COBLL1: variants seen among roughly 807,000 people sequenced by gnomAD.
COBLL1 encodes the protein cordon-bleu WH2 repeat protein like 1.
Under a neutral mutation model 94.8 loss-of-function variants are expected in COBLL1, and 50 were observed. The observed-to-expected ratio is 0.53, with a 90% CI of 0.42 to 0.67. COBLL1 has a LOEUF of 0.67. COBLL1 is among the 30% of genes least tolerant of loss of function. The pLI is 0.00. For synonymous variants in COBLL1, 448 were observed against 473.8 expected (o/e 0.95, Z 0.71); for missense variants, 1,362 against 1,348.7 (o/e 1.01, Z -0.15).
chr2:164,832,690 C>T (rs1683130615), intron 2 of COBLL1, among the ~76,000 whole-genome samples: 1 of 152,176 alleles, frequency 6.6e-6, no homozygotes, highest in Non-Finnish European at 1.5e-5. Flanking sequence ...TTAAACCATA[C>T]TTTTAAAAAA....
In COBLL1 at chr2:164,665,576, A is replaced by G. The variant is rs145553629; in HGVS notation, n.181+271T>C. ...ATCTTTTCTAAAATGGCTAATTTGG[A>G]AAGAAAAAAGTTACATAGTTGATAT... On this transcript the variant is annotated intron_variant and non_coding_transcript_variant, in intron 2 of 2. Coordinates refer to the COBLL1 transcript ENST00000495084. 2.5e-3 allele frequency among the ~76,000 whole-genome samples: 374 copies of G among 152,220 alleles called. 3 individuals are homozygous for G. The highest frequency in any genetic ancestry group is 8.6e-3 in the African/African-American group (359 of 41,542).
chr2:164,668,710 T>C (rs1329679313), intron 1 of COBLL1, among the ~76,000 whole-genome samples: 2 of 152,228 alleles, frequency 1.3e-5, no homozygotes, highest in East Asian at 1.9e-4. Flanking sequence ...TTTTAACTTT[T>C]CCTTTTTCTC....
In COBLL1 at chr2:164,805,319, CTCTCTCTCTCTCTCTCTCTA is replaced by C. The variant is rs1277849158; in HGVS notation, c.41+35817_41+35836del. 3.1e-4 allele frequency among the ~76,000 whole-genome samples: 11 copies of C among 35,964 alleles called. 1 individual carries two copies. The East Asian group carries it at 4.1e-3, about 14-fold the overall frequency. The allele number at this position is 35,964 out of a possible 152,430, so 23.6% of individuals were successfully genotyped here. On this transcript the variant is annotated intron_variant, in intron 2 of 13. Transcript: ENST00000652658. ...TCTCTCTCTCTCTCTCTCTCTCTCT[CTCTCTCTCTCTCTCTCTCTA>C]TATATATATATATATATATATATAA... is the stretch of plus-strand genomic sequence containing the variant.
At chr2:164,740,074 A>G (rs936887447) in intron 3 of COBLL1, among the ~76,000 whole-genome samples, 6 of 152,238 alleles carry the variant, frequency 3.9e-5, no homozygotes, top group African/African-American at 1.4e-4. Flanking sequence ...AAAATAGAAA[A>G]TTAGTCATAG....
Position 164,694,960 on chromosome 2 carries a change from G to C in COBLL1, c.2432C>G (p.Ser811Cys), listed in dbSNP as rs758905883. 2.5e-6 allele frequency: 4 copies of C among 1,614,010 alleles called. No individual in the cohort carries two copies. The South Asian group carries it at 4.4e-5, about 18-fold the overall frequency. Residue 811 changes from serine (S) to cysteine (C), a missense_variant, in exon 12 of 14, where the codon TCT (serine) becomes TGT (cysteine). By Grantham distance (112) the Ser-to-Cys change is moderately radical. Coordinates refer to ENST00000652658, the MANE Select transcript of COBLL1 (RefSeq NM_001365672.2). Reference sequence around the variant, plus strand: ...CATGGCATCATCAGGTGAGCTCACAGAACTGGGCACTTGATGCTCTGTTCT... The same window carrying C: ...CATGGCATCATCAGGTGAGCTCACACAACTGGGCACTTGATGCTCTGTTCT... ...NLRTEHQVPS[S>C]VSSPDDAMVS...
intron 1 of COBLL1, among the ~76,000 whole-genome samples, chr2:164,672,884 C>T (rs1410962018): frequency 6.6e-6 from 1 of 152,012 alleles, no homozygotes; most frequent in Admixed American, 6.6e-5. Flanking sequence ...ATAAGGTCTC[C>T]TAGTAAATTG....
At chr2:164,826,566 T>C (rs900541369) in intron 2 of COBLL1, among the ~76,000 whole-genome samples, 15 of 152,186 alleles carry the variant, frequency 9.9e-5, no homozygotes, top group African/African-American at 1.9e-4. Context: ...TCTTCCACAA[T>C]AGAAGAAACT....
chr2:164,692,175 T>C lies in COBLL1; in HGVS notation c.3300+46A>G, dbSNP rs750565372. ...TTTTCCCTAAGTATTAGTTTGACAA[T>C]GGTGACAATAAACCCACTGTCACCC... is the stretch of plus-strand genomic sequence containing the variant. On this transcript the variant is annotated intron_variant, in intron 13 of 13. Transcript: ENST00000652658. The C allele has an allele frequency of 6.0e-6, 9 of 1,492,338 alleles. No individual in the cohort carries two copies. In the South Asian group the frequency reaches 9.8e-5, roughly 16 times the overall value. 92.4% of individuals were successfully genotyped at this position (1,492,338 alleles called of 1,614,324 possible).
chr2:164,710,453 A>G (rs974521743), intron 7 of COBLL1, among the ~76,000 whole-genome samples: 1 of 152,226 alleles, frequency 6.6e-6, no homozygotes, highest in African/African-American at 2.4e-5. Flanking sequence ...CTAAACTGCC[A>G]CAGCATTTAA....
chr2:164,767,480 A>G (rs1273565251), intron 2 of COBLL1, among the ~76,000 whole-genome samples: 3 of 152,158 alleles, frequency 2.0e-5, no homozygotes, highest in African/African-American at 7.2e-5. Context: ...TAAGATGCAC[A>G]GATGTAAATT....
chr2:164,751,652 T>C (rs1263968532), intron 2 of COBLL1, among the ~76,000 whole-genome samples: 1 of 152,026 alleles, frequency 6.6e-6, no homozygotes, highest in East Asian at 1.9e-4. Context: ...GCATAGAACA[T>C]GGGACAATTA....
intron 7 of COBLL1, among the ~76,000 whole-genome samples, chr2:164,712,573 T>C (rs1170494163): frequency 6.6e-6 from 1 of 152,104 alleles, no homozygotes; most frequent in East Asian, 1.9e-4. Context: ...GAACTTTTCA[T>C]ATATCTGAGG....
At position 164,732,022 on chromosome 2, in the gene COBLL1, AC is replaced by A. The variant is rs949940490; in HGVS notation, c.231-1908del. The stretch of plus-strand genomic sequence containing the variant: ...CATCCCGTGTTCAGCCCCCATCTCT[AC>A]TTTCTGTGGTCGCTGCCTACTCCTA... On this transcript the variant is annotated intron_variant, in intron 3 of 13. Transcript: ENST00000652658. Among the ~76,000 whole-genome samples, 15 of 152,160 alleles carry A rather than the reference AC, an allele frequency of 9.9e-5. 2 individuals carry two copies. Among genetic ancestry groups the A allele is most frequent in the Admixed American group, 7.8e-4 (12 of 15,288 alleles).
intron 2 of COBLL1, among the ~76,000 whole-genome samples, chr2:164,778,585 AGAGT>A (rs1201404030): frequency 8.5e-5 from 13 of 152,204 alleles, no homozygotes; most frequent in Admixed American, 6.5e-5. Flanking sequence ...CCTGGGCGAC[AGAGT>A]GAGTGAGACA....
chr2:164,818,605 G>GTACATATGTAAACATATATAGTGTATA (rs1559046651), intron 2 of COBLL1, among the ~76,000 whole-genome samples: 2 of 138,280 alleles, frequency 1.4e-5, no homozygotes, highest in African/African-American at 5.7e-5. Flanking sequence ...TATAGCATAT[G>GTACATATGTAAACATATATAGTGTATA]TGTACATATG....
At chr2:164,742,126 T>G (rs191161259) in intron 3 of COBLL1, among the ~76,000 whole-genome samples, 36 of 152,058 alleles carry the variant, frequency 2.4e-4, no homozygotes, top group African/African-American at 7.0e-4. Context: ...AAAATAACTA[T>G]GACGGGTGAC....
intron 2 of COBLL1, among the ~76,000 whole-genome samples, chr2:164,813,843 C>T (rs906753194): frequency 6.6e-6 from 1 of 152,072 alleles, no homozygotes; most frequent in African/African-American, 2.4e-5. Context: ...AGGAAAATGA[C>T]TGGGAAATAA....
chr2:164,677,942 G>C (rs1053004819), downstream of COBLL1, among the ~76,000 whole-genome samples: 1 of 152,150 alleles, frequency 6.6e-6, no homozygotes, highest in Non-Finnish European at 1.5e-5. Context: ...AGTATTATTA[G>C]ACTTCTGAAC....
In COBLL1 at chr2:164,684,560, G is replaced by A. The variant is rs1683191004; in HGVS notation, c.*1386C>T. The A allele has an allele frequency of 6.6e-6, 1 of 152,082 alleles. No individual in the cohort carries two copies. The highest frequency in any genetic ancestry group is 2.1e-4 in the South Asian group (1 of 4,818). The allele number at this position is 152,082 out of a possible 1,614,324, so 9.4% of individuals were successfully genotyped here. A position where few individuals can be genotyped will look rare whatever the true frequency, so the allele number is the denominator to read the frequency against. Reference sequence around the variant, plus strand: ...TTTAAGATGGCCATGCCATGTATCAGGAACTATGCTAAACATTTTAAATGC... The same window carrying A: ...TTTAAGATGGCCATGCCATGTATCAAGAACTATGCTAAACATTTTAAATGC... On this transcript the variant is annotated 3_prime_UTR_variant, in exon 14 of 14. Coordinates refer to ENST00000652658, the MANE Select transcript of COBLL1 (RefSeq NM_001365672.2).
Sources: gnomAD v4.1 joint callset for allele counts (sites outside exome capture counted in the v4.1 genomes callset) on GRCh38, gnomAD v4.1.1 for gene constraint, MANE v1.5 for transcripts, NCBI Gene and HGNC (gene_info 2026-07-23, HGNC 2026-07-21) for gene names.